FAM135B: variants seen among roughly 807,000 people sequenced by gnomAD.
FAM135B encodes the protein family with sequence similarity 135 member B.
FAM135B carries 43 observed loss-of-function variants against 127.7 expected under a neutral mutation model. That is an observed-to-expected ratio of 0.34 (90% CI 0.26 to 0.43). The LOEUF is 0.43. Among genes scored for constraint, FAM135B ranks in the 20% least tolerant of loss-of-function variants. The probability of loss-of-function intolerance (pLI) is 1.00; values close to 1 mark genes in which losing one functional copy is unlikely to be tolerated. For missense variants in FAM135B, 1,558 were observed against 1,725.6 expected (o/e 0.90, Z 1.72); for synonymous variants, 670 against 665.1 (o/e 1.01, Z -0.11).
At chr8:138,156,910 A>G (rs1254728943) in intron 12 of FAM135B, among the ~76,000 whole-genome samples, 1 of 152,212 alleles carries the variant, frequency 6.6e-6, no homozygotes, top group Non-Finnish European at 1.5e-5. Context: ...TATTCCAATC[A>G]ATAGAAAAAG....
At chr8:138,182,139 A>G (rs908050649) in intron 9 of FAM135B, among the ~76,000 whole-genome samples, 2 of 152,226 alleles carry the variant, frequency 1.3e-5, no homozygotes, top group Admixed American at 1.3e-4. Flanking sequence ...GAGCTCCGCC[A>G]CCAGAGTGAA....
chr8:138,219,699 T>A (rs1818872476), intron 7 of FAM135B, among the ~76,000 whole-genome samples: 3 of 152,148 alleles, frequency 2.0e-5, no homozygotes, highest in African/African-American at 7.2e-5. Context: ...CTTAAATGAC[T>A]CACTTTACCT....
At chr8:138,206,291 C>T (rs1282428922) in intron 7 of FAM135B, among the ~76,000 whole-genome samples, 4 of 151,350 alleles carry the variant, frequency 2.6e-5, no homozygotes, top group Admixed American at 6.6e-5. Context: ...CTACGCACAG[C>T]TCTATCATCC....
chr8:138,195,187 A>C (rs1816510358), intron 9 of FAM135B, 71 bp downstream of exon 9: 2 of 1,467,210 alleles, frequency 1.4e-6, no homozygotes, highest in South Asian at 1.2e-5. Context: ...TTTTACAGCA[A>C]GCAAGCAACT....
chr8:138,401,171 GC>G (rs1254704752), intron 1 of FAM135B, among the ~76,000 whole-genome samples: 1 of 152,158 alleles, frequency 6.6e-6, no homozygotes, highest in African/African-American at 2.4e-5. Context: ...TGTCTAGATT[GC>G]AGGACTTCTC....
intron 1 of FAM135B, among the ~76,000 whole-genome samples, chr8:138,421,845 A>T (rs1834527724): frequency 6.6e-6 from 1 of 152,202 alleles, no homozygotes. Flanking sequence ...AAGGAAAAAG[A>T]AAAAAGCTAG....
intron 1 of FAM135B, among the ~76,000 whole-genome samples, chr8:138,396,012 G>A (rs970075292): frequency 6.6e-6 from 1 of 152,146 alleles, no homozygotes; most frequent in Non-Finnish European, 1.5e-5. Flanking sequence ...TCATCACCAG[G>A]CTTCCCTGGG....
At chr8:138,140,124 T>G (rs1213940766) in intron 17 of FAM135B, among the ~76,000 whole-genome samples, 1 of 152,142 alleles carries the variant, frequency 6.6e-6, no homozygotes, top group African/African-American at 2.4e-5. Context: ...GCTTCCTTGG[T>G]TTGGGAGGAA....
rs759993575 is a variant in FAM135B at position 138,442,237 on chromosome 8, C to CATATATATAT, written c.-20+54424_-20+54433dup. 7.1e-3 allele frequency among the ~76,000 whole-genome samples: 368 copies of CATATATATAT among 51,806 alleles called. 20 individuals are homozygous for CATATATATAT. The highest frequency in any genetic ancestry group is 0.017 in the East Asian group (7 of 414). 34.0% of individuals were successfully genotyped at this position (51,806 alleles called of 152,430 possible). A position where few individuals can be genotyped will look rare whatever the true frequency, so the allele number is the denominator to read the frequency against. ...AATTTAACGTGAAGAATATGGACAC[C>CATATATATAT]ATATATATATATATATATATATATA... On this transcript the variant is annotated intron_variant, in intron 1 of 19. Transcript: ENST00000395297.
intron 1 of FAM135B, among the ~76,000 whole-genome samples, chr8:138,448,207 G>C (rs77455744): frequency 0.046 from 7,016 of 152,122 alleles, 286 homozygotes; most frequent in African/African-American, 0.11. Context: ...CCTGGGTTAC[G>C]GGGTGCCCAG....
At position 138,423,192 on chromosome 8, in the gene FAM135B, T is replaced by C. The variant is rs536417986; in HGVS notation, c.-19-55190A>G. On this transcript the variant is annotated intron_variant, in intron 1 of 19. Transcript: ENST00000395297. ...TATGCTCAGTATCTGAGTGATGAAA[T>C]AATTTGTAAGCCAAACCCAGACAAG... Among the ~76,000 whole-genome samples, 194 of 152,238 alleles carry C rather than the reference T, an allele frequency of 1.3e-3. 6 individuals carry two copies. In the South Asian group the frequency reaches 0.04, roughly 31 times the overall value.
intron 2 of FAM135B, among the ~76,000 whole-genome samples, chr8:138,320,995 A>G (rs11166807): frequency 0.87 from 132,321 of 152,192 alleles, 58,798 homozygotes; most frequent in Non-Finnish European, 0.97. Flanking sequence ...TGACTCAGGG[A>G]CATCTGACAT....
chr8:138,447,131 C>A (rs1359057305), intron 1 of FAM135B, among the ~76,000 whole-genome samples: 1 of 151,776 alleles, frequency 6.6e-6, no homozygotes, highest in Non-Finnish European at 1.5e-5. Flanking sequence ...GTTAGAATGG[C>A]GATCATTAAA....
At chr8:138,198,924 A>T (rs1266264288) in intron 7 of FAM135B, among the ~76,000 whole-genome samples, 1 of 152,218 alleles carries the variant, frequency 6.6e-6, no homozygotes, top group Non-Finnish European at 1.5e-5. Flanking sequence ...TCTACTGTTC[A>T]CATGGCCGTG....
chr8:138,188,988 G>GA (rs35528660), intron 9 of FAM135B, among the ~76,000 whole-genome samples: 6,057 of 152,208 alleles, frequency 0.04, 246 homozygotes, highest in African/African-American at 0.1. Context: ...TGGAACTGCT[G>GA]CCCAAAGTAA....
intron 3 of FAM135B, among the ~76,000 whole-genome samples, chr8:138,302,572 C>T (rs554576448): frequency 0.01 from 1 of 96 alleles, no homozygotes; most frequent in South Asian, 0.5. Flanking sequence ...GCTGGGGGGA[C>T]CCTTCTCATT....
chr8:138,352,369 C>T (rs1319132334), intron 2 of FAM135B, among the ~76,000 whole-genome samples: 1 of 152,132 alleles, frequency 6.6e-6, no homozygotes, highest in Non-Finnish European at 1.5e-5. Flanking sequence ...AGGTGTACCC[C>T]ATAGATGTGT....
chr8:138,294,957 T>C (rs1216502503), intron 3 of FAM135B, among the ~76,000 whole-genome samples: 4 of 152,142 alleles, frequency 2.6e-5, no homozygotes, highest in Admixed American at 2.0e-4. Context: ...GTCTATTTCC[T>C]CTGGTTCATA....
rs1171686359 is a variant in FAM135B at position 138,152,907 on chromosome 8, G to A, written c.1568C>T (p.Thr523Ile). 1 of 1,614,212 alleles carries A rather than the reference G, an allele frequency of 6.2e-7. No homozygotes were observed. ...CACTGGATATGTCCCAGCATCAGAT[G>A]TTTGGCCAGTCCAACATTCATCTTC... The part of the protein sequence containing the change: ...VPEDECWTGQ[T>I]SDAGTYPVAD... Residue 523 changes from threonine to isoleucine, a missense_variant, in exon 13 of 20, where the codon ACA becomes ATA. By Grantham distance (89) the Thr-to-Ile change is moderately conservative (BLOSUM62 -1). This residue lies in a region of FAM135B where 923 missense variants were observed against 865.3 expected (regional missense o/e 1.07). Coordinates refer to ENST00000395297, the MANE Select transcript of FAM135B (RefSeq NM_015912.4).
Sources: allele counts gnomAD v4.1 joint callset (sites outside exome capture counted in the v4.1 genomes callset), GRCh38; gene constraint gnomAD v4.1.1; regional missense constraint gnomAD v4.1.1; transcripts MANE v1.5; gene names NCBI Gene and HGNC (gene_info 2026-07-23, HGNC 2026-07-21).